MLX: variants seen among roughly 807,000 people sequenced by gnomAD.
MLX encodes MAX dimerization protein MLX, also known as max-like protein X.
Under a neutral mutation model 33.0 loss-of-function variants are expected in MLX, and 15 were observed. The ratio of observed to expected loss-of-function variants is 0.45; its 90% CI spans 0.30 to 0.70. The LOEUF (loss-of-function observed/expected upper bound fraction) is 0.70. Ranked by LOEUF, MLX falls within the 30% of genes least tolerant of loss-of-function variation. The pLI, the probability that MLX is intolerant of heterozygous loss-of-function variation, is 0.07. For missense variants in MLX, 285 were observed against 306.3 expected (o/e 0.93, Z 0.52); for synonymous variants, 115 against 115.6 (o/e 0.99, Z 0.03).
rs1357521703 is a variant in MLX at position 42,572,065 on chromosome 17, AAG to A, written c.*465_*466del. On this transcript the variant is annotated 3_prime_UTR_variant, in exon 8 of 8. Transcript: ENST00000435881. ...TTTGGCAGTAGCTGTATGGGAGAAA[AAG>A]AGTAAGAGGAAATATTCCCACAGCC... The A allele has an allele frequency of 3.9e-6, 1 of 256,156 alleles. No homozygotes were observed. 15.9% of individuals were successfully genotyped at this position (256,156 alleles called of 1,614,324 possible). A position where few individuals can be genotyped will look rare whatever the true frequency, so the allele number is the denominator to read the frequency against.
intron 2 of MLX, 146 bp downstream of exon 2, chr17:42,567,801 G>C (rs947703741): frequency 5.6e-6 from 6 of 1,073,488 alleles, no homozygotes; most frequent in African/African-American, 4.8e-5. Context: ...TGAAGGACAA[G>C]GGCAGAAAAC....
chr17:42,572,139 C>T lies in MLX; in HGVS notation c.*536C>T. 3.3e-6 allele frequency: 1 copy of T among 305,660 alleles called. No homozygotes were observed. The highest frequency in any genetic ancestry group is 2.9e-5 in the South Asian group (1 of 34,420). The allele number at this position is 305,660 out of a possible 1,614,324, so 18.9% of individuals were successfully genotyped here. On this transcript the variant is annotated 3_prime_UTR_variant, in exon 8 of 8. Transcript: ENST00000435881. ...TGTGCCTAGACTAGGGCTGCCTGGT[C>T]AGTCCCAGGTGAGGCCAAGGGCTTT...
At position 42,567,120 on chromosome 17, in the gene MLX, A is replaced by C; in HGVS notation, c.-5A>C. ...CTGGCCCGTTTCCGGTCCGGTGGGT[A>C]CAAGATGACGGAGCCGGGCGCCTCT... is the stretch of plus-strand genomic sequence containing the variant. On this transcript the variant is annotated 5_prime_UTR_variant, in exon 1 of 8. Coordinates refer to ENST00000435881, the MANE Select transcript of MLX (RefSeq NM_198204.2). 1 of 1,257,838 alleles carries C rather than the reference A, an allele frequency of 8.0e-7. No homozygotes were observed. Among genetic ancestry groups the C allele is most frequent in the East Asian group, 3.1e-5 (1 of 32,330 alleles). 77.9% of individuals were successfully genotyped at this position (1,257,838 alleles called of 1,614,324 possible).
Position 42,571,643 on chromosome 17 carries a change from C to G in MLX, c.*40C>G. 1 of 1,585,388 alleles carries G rather than the reference C, an allele frequency of 6.3e-7. No individual in the cohort carries two copies. Among genetic ancestry groups the G allele is most frequent in the Non-Finnish European group, 8.7e-7 (1 of 1,155,566 alleles). On this transcript the variant is annotated 3_prime_UTR_variant, in exon 8 of 8. Transcript: ENST00000435881. ...CCTGGAGAACAGCCAACAAGAGGCC[C>G]TTGAATCTCTACGTGGCCACTGAAC...
chr17:42,568,578 C>G lies in MLX; in HGVS notation c.169+19C>G. 6.2e-7 allele frequency: 1 copy of G among 1,604,214 alleles called. No homozygotes were observed. The highest frequency in any genetic ancestry group is 1.1e-5 in the South Asian group (1 of 90,818). On this transcript the variant is annotated intron_variant, in intron 3 of 7. Coordinates refer to ENST00000435881, the MANE Select transcript of MLX (RefSeq NM_198204.2). The stretch of plus-strand genomic sequence containing the variant: ...AACACAGGTAGGCAGTAACATCCCC[C>G]CCGACCTCGGGGGGCTCAGATATGT...
At position 42,567,186 on chromosome 17, in the gene MLX, A is replaced by G; in HGVS notation, c.42+20A>G. On this transcript the variant is annotated intron_variant, in intron 1 of 7. Transcript: ENST00000435881. ...GTCAAGGCAAGCCCCGTGGGCGCGCACGCCGGCGAGGGGAGGGCGGGTCGG... is the reference window on the plus strand; with the variant it reads ...GTCAAGGCAAGCCCCGTGGGCGCGCGCGCCGGCGAGGGGAGGGCGGGTCGG... 1.6e-6 allele frequency: 2 copies of G among 1,289,968 alleles called. No homozygotes were observed. The highest frequency in any genetic ancestry group is 2.0e-6 in the Non-Finnish European group (2 of 1,017,010). The allele number at this position is 1,289,968 out of a possible 1,614,324, so 79.9% of individuals were successfully genotyped here.
At chr17:42,568,014 G>A (rs1390680261) in intron 2 of MLX, 1 of 317,746 alleles carries the variant, frequency 3.1e-6, no homozygotes, top group South Asian at 5.1e-5. Context: ...GGCAGGAAGT[G>A]GGGGGCCCAG....
chr17:42,570,671 T>C (rs1451262839), intron 7 of MLX, among the ~76,000 whole-genome samples: 1 of 152,210 alleles, frequency 6.6e-6, no homozygotes, highest in Non-Finnish European at 1.5e-5. Context: ...ATTTTTTTTT[T>C]TGAGACGGGA....
At position 42,569,214 on chromosome 17, in the gene MLX, A is replaced by G. The variant is rs765407614; in HGVS notation, c.287A>G (p.Asp96Gly). ...CTGCTGTTTCCACAGAGAGGCTATG[A>G]TGACCTTCAGACCATCGTCCCCACT... ...KRRDAIKRGY[D>G]DLQTIVPTCQ... is the part of the protein sequence containing the mutation. The change falls in exon 5 of 8, where the codon GAT becomes GGT. Residue 96 changes from aspartate (D) to glycine (G), a missense_variant. Coordinates refer to ENST00000435881, the MANE Select transcript of MLX (RefSeq NM_198204.2). 2 of 1,613,948 alleles carry G rather than the reference A, an allele frequency of 1.2e-6. No individual in the cohort carries two copies. Among genetic ancestry groups the G allele is most frequent in the Admixed American group, 1.7e-5 (1 of 60,008 alleles).
intron 2 of MLX, 127 bp downstream of exon 2, chr17:42,567,782 A>G (rs2093014834): frequency 4.7e-6 from 6 of 1,279,966 alleles, no homozygotes; most frequent in Non-Finnish European, 6.7e-6. Context: ...GGCTTGAGAC[A>G]GCAGGAGCTG....
intron 1 of MLX, chr17:42,567,367 G>T: frequency 7.1e-7 from 1 of 1,401,650 alleles, no homozygotes; most frequent in Non-Finnish European, 9.3e-7. Flanking sequence ...CGAGTCGGGG[G>T]AACGGGGCAC....
rs774034339 is a variant in MLX at position 42,572,909 on chromosome 17, G to T, written c.*1306G>T. The T allele has an allele frequency of 1.3e-6, 2 of 1,586,706 alleles. No homozygotes were observed. The highest frequency in any genetic ancestry group is 1.7e-6 in the Non-Finnish European group (2 of 1,156,520). Reference sequence around the variant, plus strand: ...GCCAACCAAAAACAAGGTAGCCAGTGCAAGACATCTCACTCTTCTGACATC... The same window carrying T: ...GCCAACCAAAAACAAGGTAGCCAGTTCAAGACATCTCACTCTTCTGACATC... On this transcript the variant is annotated 3_prime_UTR_variant, in exon 8 of 8. Coordinates refer to ENST00000435881, the MANE Select transcript of MLX (RefSeq NM_198204.2).
At position 42,573,198 on chromosome 17, in the gene MLX, T is replaced by G. The variant is rs752165661; in HGVS notation, c.*1595T>G. On this transcript the variant is annotated 3_prime_UTR_variant, in exon 8 of 8. Coordinates refer to ENST00000435881, the MANE Select transcript of MLX (RefSeq NM_198204.2). ...AGAAATAAAACCACCCGTTTTCAGA[T>G]GGGCAGCACTGGGCACTGCCTGTCA... 2.5e-6 allele frequency: 4 copies of G among 1,614,186 alleles called. No individual in the cohort carries two copies. In the South Asian group the frequency reaches 4.4e-5, roughly 18 times the overall value.
rs202043236 is a variant in MLX at position 42,573,100 on chromosome 17, C to T, written c.*1497C>T. 4.3e-6 allele frequency: 7 copies of T among 1,614,242 alleles called. No individual in the cohort carries two copies. Among genetic ancestry groups the T allele is most frequent in the Non-Finnish European group, 5.9e-6 (7 of 1,180,028 alleles). ...GGGAAGCAAAGAAGGAAGAGAGCTC[C>T]ACTTACAAAGAACTGCTTCTTGCTC... On this transcript the variant is annotated 3_prime_UTR_variant, in exon 8 of 8. Coordinates refer to ENST00000435881, the MANE Select transcript of MLX (RefSeq NM_198204.2).
At position 42,573,084 on chromosome 17, in the gene MLX, AG is replaced by A; in HGVS notation, c.*1482del. 1 of 1,614,172 alleles carries A rather than the reference AG, an allele frequency of 6.2e-7. No homozygotes were observed. Among genetic ancestry groups the A allele is most frequent in the African/African-American group, 1.3e-5 (1 of 75,054 alleles). On this transcript the variant is annotated 3_prime_UTR_variant, in exon 8 of 8. Coordinates refer to ENST00000435881, the MANE Select transcript of MLX (RefSeq NM_198204.2). ...CCAGGATAAGACCACAGGGAAGCAA[AG>A]AAGGAAGAGAGCTCCACTTACAAAG...
At chr17:42,570,255 T>C in intron 7 of MLX, 72 bp downstream of exon 7, 1 of 1,494,974 alleles carries the variant, frequency 6.7e-7, no homozygotes, top group Non-Finnish European at 9.2e-7. Flanking sequence ...AGCCATCAGC[T>C]GTTGAGAAAA....
chr17:42,568,863 G>C lies in MLX; in HGVS notation c.196G>C (p.Glu66Gln). 6.2e-7 allele frequency: 1 copy of C among 1,611,068 alleles called. No individual in the cohort carries two copies. Among genetic ancestry groups the C allele is most frequent in the Non-Finnish European group, 8.5e-7 (1 of 1,178,486 alleles). The change falls in exon 4 of 8, where the codon GAG (glutamate) becomes CAG (glutamine). Residue 66 changes from glutamate to glutamine, a missense_variant. Glu to Gln is a conservative substitution (Grantham distance 29, BLOSUM62 2). Coordinates refer to ENST00000435881, the MANE Select transcript of MLX (RefSeq NM_198204.2). ...TDDEDSDYHQEAYKESYKDRR... is the reference protein window; with the variant it reads ...TDDEDSDYHQQAYKESYKDRR... ...TGATGAGGACAGTGATTACCACCAG[G>C]AGGCCTACAAGGAGTCCTACAAAGA...
At chr17:42,567,491 T>TGC in intron 1 of MLX, 128 bp from the exon 2 acceptor site, 1 of 1,514,066 alleles carries the variant, frequency 6.6e-7, no homozygotes, top group Non-Finnish European at 9.0e-7. Flanking sequence ...GCTGTGTGTG[T>TGC]GCAAGCGCGC....
Position 42,571,678 on chromosome 17 carries a change from C to G in MLX, c.*75C>G. 1.4e-6 allele frequency: 2 copies of G among 1,403,218 alleles called. No individual in the cohort carries two copies. The highest frequency in any genetic ancestry group is 1.0e-6 in the Non-Finnish European group (1 of 987,942). The allele number at this position is 1,403,218 out of a possible 1,614,324, so 86.9% of individuals were successfully genotyped here. On this transcript the variant is annotated 3_prime_UTR_variant, in exon 8 of 8. Coordinates refer to ENST00000435881, the MANE Select transcript of MLX (RefSeq NM_198204.2). ...TACGTGGCCACTGAACTGCTGGGCC[C>G]GGGAGACTGGACTACAACACCTCAC...
Sources: allele counts gnomAD v4.1 joint callset (sites outside exome capture counted in the v4.1 genomes callset), GRCh38; gene constraint gnomAD v4.1.1; transcripts MANE v1.5; gene names NCBI Gene and HGNC (gene_info 2026-07-23, HGNC 2026-07-21).